CNOT4: variants seen among roughly 807,000 people sequenced by gnomAD.
CNOT4 encodes the protein CCR4-NOT transcription complex subunit 4, also known as CCR4-associated factor 4.
In CNOT4, 8 loss-of-function variants were observed where a neutral mutation model predicts 73.8. That is an observed-to-expected ratio of 0.11 (90% CI 0.06 to 0.20). CNOT4 has a LOEUF of 0.20. Among genes scored for constraint, CNOT4 ranks in the 10% least tolerant of loss-of-function variants. The pLI is 1.00. For missense variants in CNOT4, 564 were observed against 883.4 expected (o/e 0.64, Z 4.58); for synonymous variants, 293 against 321.1 (o/e 0.91, Z 0.94).
chr7:135,475,271 T>C (rs560069655), intron 1 of CNOT4, among the ~76,000 whole-genome samples: 25 of 152,118 alleles, frequency 1.6e-4, no homozygotes, highest in Middle Eastern at 3.4e-3. Flanking sequence ...AAGAAACATA[T>C]AAAACACAAA....
Position 135,407,157 on chromosome 7 carries a change from C to T in CNOT4, c.821+3358G>A, listed in dbSNP as rs75396420. Reference sequence around the variant, plus strand: ...TCTTGCTATCGCTGTATATGATGTGCCTGCCTCCCGCTTTGCCCAGAAGCC... The same window carrying T: ...TCTTGCTATCGCTGTATATGATGTGTCTGCCTCCCGCTTTGCCCAGAAGCC... On this transcript the variant is annotated intron_variant, in intron 7 of 11. Transcript: ENST00000541284. Among the ~76,000 whole-genome samples the T allele has an allele frequency of 2.2e-3, 341 of 152,274 alleles. 12 individuals are homozygous for T. The East Asian group carries it at 0.054, about 24-fold the overall frequency.
chr7:135,398,000 C>G (rs1203231338), intron 8 of CNOT4, among the ~76,000 whole-genome samples, 169 bp downstream of exon 8: 2 of 151,904 alleles, frequency 1.3e-5, no homozygotes, highest in Admixed American at 1.3e-4. Context: ...AAACTATGCT[C>G]TATATATTCT....
At position 135,363,157 on chromosome 7, in the gene CNOT4, C is replaced by T. The variant is rs1323626981; in HGVS notation, c.1870G>A (p.Asp624Asn). 1.2e-6 allele frequency: 2 copies of T among 1,613,354 alleles called. No individual in the cohort carries two copies. The highest frequency in any genetic ancestry group is 1.3e-5 in the African/African-American group (1 of 74,798). Residue 624 changes from aspartate (D) to asparagine (N), a missense_variant, in exon 12 of 12, where the codon GAC (aspartate) becomes AAC (asparagine). This residue lies in a region of CNOT4 where 53 missense variants were observed against 75.4 expected (regional missense o/e 0.70). Coordinates refer to ENST00000541284, the MANE Select transcript of CNOT4 (RefSeq NM_001190850.2). This position sits in a 1 kb window ranked among gnomAD's most constrained non-coding sequence, Gnocchi z 4.3. ...GGAGGATTGTCATCTTGAAGAGAGT[C>T]TAAACTGTTTCCTGAAGACGCTGGA... ...GIPASSGNSL[D>N]SLQDDNPPHW... is the part of the protein sequence containing the mutation.
chr7:135,425,521 G>A (rs1798442788), intron 2 of CNOT4, among the ~76,000 whole-genome samples: 1 of 151,940 alleles, frequency 6.6e-6, no homozygotes, highest in Non-Finnish European at 1.5e-5. Flanking sequence ...TGTTCCTATG[G>A]AAATATATTT....
chr7:135,420,577 C>CAAA (rs71174521), intron 3 of CNOT4, among the ~76,000 whole-genome samples: 968 of 52,328 alleles, frequency 0.018, 9 homozygotes, highest in East Asian at 0.056. Flanking sequence ...ACCATGTCTC[C>CAAA]AAAAAAAAAA....
chr7:135,453,826 T>TTTTATATATATATA (rs1275359797), intron 1 of CNOT4, among the ~76,000 whole-genome samples: 5 of 89,906 alleles, frequency 5.6e-5, no homozygotes, highest in Admixed American at 1.4e-4. Flanking sequence ...TATATATATT[T>TTTTATATATATATA]TATATATATA....
At chr7:135,417,610 T>G (rs1282588196) in intron 3 of CNOT4, among the ~76,000 whole-genome samples, 1 of 152,218 alleles carries the variant, frequency 6.6e-6, no homozygotes, top group Non-Finnish European at 1.5e-5. Flanking sequence ...TATGATGACA[T>G]GTTCACACTG....
intron 1 of CNOT4, among the ~76,000 whole-genome samples, chr7:135,480,674 T>C (rs1181155948): frequency 6.6e-6 from 1 of 152,226 alleles, no homozygotes; most frequent in African/African-American, 2.4e-5. Flanking sequence ...GAGGCATTCA[T>C]CTGTGTCCCA....
intron 1 of CNOT4, among the ~76,000 whole-genome samples, chr7:135,457,170 T>A (rs1800589637): frequency 6.6e-6 from 1 of 152,014 alleles, no homozygotes; most frequent in Non-Finnish European, 1.5e-5. Flanking sequence ...ACATTTACAT[T>A]AAACCACAAA....
intron 6 of CNOT4, among the ~76,000 whole-genome samples, chr7:135,412,114 TA>T (rs1469912105): frequency 6.6e-6 from 1 of 151,978 alleles, no homozygotes; most frequent in African/African-American, 2.4e-5. Flanking sequence ...TTTACATTTT[TA>T]AAACATGAAA....
intron 3 of CNOT4, among the ~76,000 whole-genome samples, chr7:135,421,625 T>C (rs543800822): frequency 6.6e-6 from 1 of 152,308 alleles, no homozygotes; most frequent in Non-Finnish European, 1.5e-5. Context: ...TTGGGTCCTT[T>C]ATTTCACATT....
At chr7:135,445,213 A>G (rs112927712) in intron 1 of CNOT4, among the ~76,000 whole-genome samples, 13,076 of 152,200 alleles carry the variant, frequency 0.086, 672 homozygotes, top group East Asian at 0.16. Flanking sequence ...ATGATATATG[A>G]GCTTTTGCCT....
chr7:135,438,484 A>C, intron 1 of CNOT4, 61 bp from the exon 2 acceptor site: 1 of 512,088 alleles, frequency 2.0e-6, no homozygotes, highest in Non-Finnish European at 3.2e-6. Context: ...GTCAACAATT[A>C]AGAGTCACAC....
At chr7:135,376,935 A>C (rs1015539234) in intron 10 of CNOT4, among the ~76,000 whole-genome samples, 1 of 152,208 alleles carries the variant, frequency 6.6e-6, no homozygotes. Context: ...TTCAGAAGAA[A>C]AATTATTTCA....
At chr7:135,410,849 T>C (rs1585602644) in intron 6 of CNOT4, among the ~76,000 whole-genome samples, 2 of 151,562 alleles carry the variant, frequency 1.3e-5, no homozygotes, top group African/African-American at 4.8e-5. Flanking sequence ...AACTTCTAGA[T>C]CAATGAAAGT....
intron 1 of CNOT4, among the ~76,000 whole-genome samples, chr7:135,482,154 T>C (rs918125079): frequency 2.6e-5 from 4 of 152,220 alleles, no homozygotes; most frequent in African/African-American, 9.6e-5. Context: ...CCTGACTTGA[T>C]CATTACACAT....
Position 135,362,167 on chromosome 7 carries a change from A to G in CNOT4, c.*718T>C, listed in dbSNP as rs1320039628. ...AAATCTGTGAATACTTTTTTCTTTA[A>G]AACATTTCAATTTACTTTAAATCTA... On this transcript the variant is annotated 3_prime_UTR_variant, in exon 12 of 12. Coordinates refer to ENST00000541284, the MANE Select transcript of CNOT4 (RefSeq NM_001190850.2). 1 of 152,746 alleles carries G rather than the reference A, an allele frequency of 6.5e-6. No homozygotes were observed. The highest frequency in any genetic ancestry group is 1.5e-5 in the Non-Finnish European group (1 of 68,480). The allele number at this position is 152,746 out of a possible 1,614,324, so 9.5% of individuals were successfully genotyped here.
intron 1 of CNOT4, among the ~76,000 whole-genome samples, chr7:135,481,154 C>G (rs1802354987): frequency 6.6e-6 from 1 of 151,848 alleles, no homozygotes. Flanking sequence ...GAAGAGATAA[C>G]CTGTTGAATG....
In CNOT4 at chr7:135,476,531, G is replaced by A. The variant is rs146977561; in HGVS notation, c.-93+33358C>T. 1.7e-3 allele frequency among the ~76,000 whole-genome samples: 264 copies of A among 152,352 alleles called. 1 individual carries two copies. Among genetic ancestry groups the A allele is most frequent in the Non-Finnish European group, 2.9e-3 (195 of 68,038 alleles). The stretch of plus-strand genomic sequence containing the variant: ...ATACAAAATAAAAAGATTAAAAGGA[G>A]CTGGGCATAGTGGTATGCACTTGTA... On this transcript the variant is annotated intron_variant, in intron 1 of 11. Transcript: ENST00000541284.
Sources: allele counts gnomAD v4.1 joint callset (sites outside exome capture counted in the v4.1 genomes callset), GRCh38; gene constraint gnomAD v4.1.1; regional missense constraint gnomAD v4.1.1; non-coding constraint Gnocchi (gnomAD v3.1); transcripts MANE v1.5; gene names NCBI Gene and HGNC (gene_info 2026-07-23, HGNC 2026-07-21).